Variants in MICA observed in about 807,000 individuals in gnomAD.
MICA encodes MHC class I polypeptide-related sequence A.
A neutral mutation model predicts 34.3 loss-of-function variants in MICA; 18 were observed. That is an observed-to-expected ratio of 0.52 (90% CI 0.36 to 0.78). MICA has a LOEUF of 0.78. Among genes scored for constraint, MICA ranks in the 30% least tolerant of loss-of-function variants. The probability of loss-of-function intolerance (pLI) is 0.00; values close to 1 mark genes in which losing one functional copy is unlikely to be tolerated. For synonymous variants in MICA, 135 were observed against 156.9 expected (o/e 0.86, Z 1.04); for missense variants, 333 against 409.4 (o/e 0.81, Z 1.61).
Position 31,411,421 on chromosome 6 carries a change from C to A in MICA, c.613+62C>A, listed in dbSNP as rs2256028. ...ATTCTGCTAGAGTTGCCTCACCTCC[C>A]AGATGTGTCCAGGGAAACCCTCCCT... On this transcript the variant is annotated intron_variant, in intron 3 of 5. Coordinates refer to ENST00000449934, the MANE Select transcript of MICA (RefSeq NM_001177519.3). The surrounding 1 kb of genome is among the most constrained non-coding windows in gnomAD (Gnocchi z 4.3). 234,399 of 1,459,056 alleles carry A rather than the reference C, an allele frequency of 0.16. 21,886 individuals carry two copies. Among genetic ancestry groups the A allele is most frequent in the Middle Eastern group, 0.39 (2,168 of 5,628 alleles). The allele number at this position is 1,459,056 out of a possible 1,614,324, so 90.4% of individuals were successfully genotyped here.
At chr6:31,409,615 A>G (rs1770963950) in intron 1 of MICA, among the ~76,000 whole-genome samples, 1 of 140,660 alleles carries the variant, frequency 7.1e-6, no homozygotes, top group South Asian at 2.4e-4. Flanking sequence ...TTGAATTTTC[A>G]TCAGTCTACT....
intron 1 of MICA, among the ~76,000 whole-genome samples, chr6:31,405,213 C>G (rs1770686447): frequency 6.6e-6 from 1 of 151,230 alleles, no homozygotes; most frequent in Admixed American, 6.6e-5. Flanking sequence ...GACCTTCCTT[C>G]TTTTCTTTTG....
upstream of MICA, among the ~76,000 whole-genome samples, chr6:31,401,748 GA>G (rs1770442615): frequency 6.6e-6 from 1 of 151,606 alleles, no homozygotes; most frequent in South Asian, 2.1e-4. Flanking sequence ...TCTAAAACTT[GA>G]CTACACATCG....
At chr6:31,407,984 T>A (rs1253530744) in intron 1 of MICA, among the ~76,000 whole-genome samples, 1 of 151,938 alleles carries the variant, frequency 6.6e-6, no homozygotes, top group Non-Finnish European at 1.5e-5. Context: ...AGCTGTGAGT[T>A]TGTCATATAT....
Position 31,412,383 on chromosome 6 carries a change from TG to T in MICA, c.953del (p.Gly318AlafsTer68), listed in dbSNP as rs67841474. 0.15 allele frequency: 183,212 copies of T among 1,256,808 alleles called. 14,129 individuals carry two copies. The highest frequency in any genetic ancestry group is 0.39 in the East Asian group (13,643 of 34,882). 77.9% of individuals were successfully genotyped at this position (1,256,808 alleles called of 1,614,324 possible). ...CATTCCATGTTTCTGCTGTTGCTGC[TG>T]GCTGCTGCTATTTTTGTTATTATTA... The part of the protein sequence containing the change: ...QTFHVSAVAA[G>X]CCYFCYYYFL... On this transcript the variant is annotated frameshift_variant, in exon 5 of 6. Transcript: ENST00000449934. LOFTEE classifies it high-confidence loss of function.
At chr6:31,407,090 A>G (rs1367850258) in intron 1 of MICA, among the ~76,000 whole-genome samples, 3 of 151,868 alleles carry the variant, frequency 2.0e-5, no homozygotes, top group Non-Finnish European at 4.4e-5. Context: ...TCTGTGAAGA[A>G]TGTCATTAGT....
In MICA at chr6:31,411,344, G is replaced by A. The variant is rs759284709; in HGVS notation, c.598G>A (p.Val200Ile). Residue 200 changes from valine (V) to isoleucine (I), a missense_variant, in exon 3 of 6, where the codon GTC becomes ATC. By Grantham distance (29) the Val-to-Ile change is conservative. Coordinates refer to ENST00000449934, the MANE Select transcript of MICA (RefSeq NM_001177519.3). The surrounding 1 kb of genome is among the most constrained non-coding windows in gnomAD (Gnocchi z 4.3). ...ELRRYLESGV[V>I]LRRTVPPMVN... ...ACGGCGATATCTAGAATCCGGCGTA[G>A]TCCTGAGGAGAACAGGTACCGACGC... 6.4e-7 allele frequency: 1 copy of A among 1,570,044 alleles called. No homozygotes were observed. Among genetic ancestry groups the A allele is most frequent in the Non-Finnish European group, 8.6e-7 (1 of 1,158,352 alleles).
chr6:31,409,025 A>T (rs1770908885), intron 1 of MICA, among the ~76,000 whole-genome samples: 1 of 151,300 alleles, frequency 6.6e-6, no homozygotes, highest in Non-Finnish European at 1.5e-5. Flanking sequence ...AAATAAAACA[A>T]TAATAATAAT....
rs1054808710 is a variant in MICA at position 31,411,943 on chromosome 6, C to G, written c.614-4C>G. 12 of 1,609,926 alleles carry G rather than the reference C, an allele frequency of 7.5e-6. No homozygotes were observed. The highest frequency in any genetic ancestry group is 1.0e-5 in the Non-Finnish European group (12 of 1,178,082). On this transcript the variant is annotated splice_polypyrimidine_tract_variant and splice_region_variant and intron_variant, in intron 3 of 5. Transcript: ENST00000449934. This position sits in a 1 kb window ranked among gnomAD's most constrained non-coding sequence, Gnocchi z 4.3. ...CTTCACTGGCTCTGCCCTTTCTTCTCCAGTGCCCCCCATGGTGAATGTCAC... is the reference window on the plus strand; with the variant it reads ...CTTCACTGGCTCTGCCCTTTCTTCTGCAGTGCCCCCCATGGTGAATGTCAC...
intron 5 of MICA, among the ~76,000 whole-genome samples, chr6:31,414,242 G>T (rs1419651454): frequency 1.3e-5 from 2 of 151,556 alleles, no homozygotes; most frequent in Middle Eastern, 3.2e-3. Context: ...GGTTGCAAGG[G>T]CAGTGGCCGG....
At chr6:31,413,477 G>C (rs1771323938) in intron 5 of MICA, among the ~76,000 whole-genome samples, 2 of 151,884 alleles carry the variant, frequency 1.3e-5, no homozygotes, top group Non-Finnish European at 2.9e-5. Flanking sequence ...CAGTCAGGTT[G>C]TTTGATGGGG....
chr6:31,403,431 C>A (rs1415526378), upstream of MICA: 1 of 506,016 alleles, frequency 2.0e-6, no homozygotes, highest in Non-Finnish European at 3.4e-6. The surrounding 1 kb of genome is among the most constrained non-coding windows in gnomAD (Gnocchi z 4.7). Flanking sequence ...GTCCCGCCTT[C>A]TAAATCTCCC....
chr6:31,412,592 GGGAAGGGA>G, intron 5 of MICA, 132 bp downstream of exon 5: 2 of 626,686 alleles, frequency 3.2e-6, no homozygotes, highest in South Asian at 2.4e-5. Context: ...TGGGGAATTT[GGGAAGGGA>G]ATGGGGGCAG....
intron 1 of MICA, among the ~76,000 whole-genome samples, chr6:31,407,055 G>A (rs147187739): frequency 1.3e-5 from 2 of 151,706 alleles, no homozygotes; most frequent in Admixed American, 6.6e-5. Flanking sequence ...GGTTCCATAT[G>A]CATTTTAGGA....
rs1442681789 is a variant in MICA at position 31,410,606 on chromosome 6, T to C, written c.134T>C (p.Phe45Ser). 1.2e-6 allele frequency: 2 copies of C among 1,613,404 alleles called. No individual in the cohort carries two copies. The highest frequency in any genetic ancestry group is 1.7e-6 in the Non-Finnish European group (2 of 1,180,004). ...LSWDGSVQSG[F>S]LAEVHLDGQP... is the part of the protein sequence containing the mutation. ...TGGGATGGATCTGTGCAGTCAGGGT[T>C]TCTTGCTGAGGTACATCTGGATGGT... The change falls in exon 2 of 6, where the codon TTT (phenylalanine) becomes TCT (serine). Residue 45 changes from phenylalanine to serine, a missense_variant. Coordinates refer to ENST00000449934, the MANE Select transcript of MICA (RefSeq NM_001177519.3).
In MICA at chr6:31,403,791, C is replaced by T. The variant is rs1161678714; in HGVS notation, c.70+89C>T. 13 of 1,253,014 alleles carry T rather than the reference C, an allele frequency of 1.0e-5. No homozygotes were observed. Among genetic ancestry groups the T allele is most frequent in the African/African-American group, 1.6e-5 (1 of 63,038 alleles). 77.6% of individuals were successfully genotyped at this position (1,253,014 alleles called of 1,614,324 possible). A position where few individuals can be genotyped will look rare whatever the true frequency, so the allele number is the denominator to read the frequency against. On this transcript the variant is annotated intron_variant, in intron 1 of 5. Transcript: ENST00000449934. The surrounding 1 kb of genome is among the most constrained non-coding windows in gnomAD (Gnocchi z 4.7). ...TGGGTAGCGGCGAGCGCTGTGCGGT[C>T]AGGGCGGGGCTCCTGTGCCCTGTCG...
chr6:31,401,112 G>C (rs1451484432), upstream of MICA, among the ~76,000 whole-genome samples: 6 of 151,844 alleles, frequency 4.0e-5, no homozygotes, highest in East Asian at 1.2e-3. Flanking sequence ...CACGGAGGAA[G>C]TCCTGGAGGG....
Position 31,403,743 on chromosome 6 carries a change from G to C in MICA, c.70+41G>C, listed in dbSNP as rs1275208276. 6.6e-7 allele frequency: 1 copy of C among 1,518,252 alleles called. No homozygotes were observed. Among genetic ancestry groups the C allele is most frequent in the Non-Finnish European group, 8.8e-7 (1 of 1,134,984 alleles). 94.0% of individuals were successfully genotyped at this position (1,518,252 alleles called of 1,614,324 possible). Reference sequence around the variant, plus strand: ...GGCGGTCCTCGGCGGAGCGGGAGCAGTGGGACGTTTCCGGGGGTCGGGTGG... The same window carrying C: ...GGCGGTCCTCGGCGGAGCGGGAGCACTGGGACGTTTCCGGGGGTCGGGTGG... On this transcript the variant is annotated intron_variant, in intron 1 of 5. Transcript: ENST00000449934. This position sits in a 1 kb window ranked among gnomAD's most constrained non-coding sequence, Gnocchi z 4.7.
Position 31,411,978 on chromosome 6 carries a change from G to A in MICA, c.645G>A (p.Glu215=), listed in dbSNP as rs1013523501. 3.1e-6 allele frequency: 5 copies of A among 1,612,974 alleles called. No homozygotes were observed. The African/African-American group carries it at 5.4e-5, about 17-fold the overall frequency. Residue 215 remains glutamate, a synonymous_variant, in exon 4 of 6, where the codon GAG becomes GAA. Transcript: ENST00000449934. The surrounding 1 kb of genome is among the most constrained non-coding windows in gnomAD (Gnocchi z 4.3). ...CCATGGTGAATGTCACCCGCAGCGA[G>A]GCCTCAGAGGGCAACATCACCGTGA... is the stretch of plus-strand genomic sequence containing the variant. The part of the protein sequence containing the change: ...VPPMVNVTRS[E]ASEGNITVTC...
Sources: gnomAD v4.1 joint callset for allele counts (sites outside exome capture counted in the v4.1 genomes callset) on GRCh38, gnomAD v4.1.1 for gene constraint, Gnocchi (gnomAD v3.1) non-coding constraint, MANE v1.5 for transcripts, NCBI Gene and HGNC (gene_info 2026-07-23, HGNC 2026-07-21) for gene names.